SOD2: variants seen among roughly 807,000 people sequenced by gnomAD.
SOD2 encodes superoxide dismutase [Mn], mitochondrial.
In SOD2, 11 loss-of-function variants were observed where a neutral mutation model predicts 27.0. That is an observed-to-expected ratio of 0.41 (90% CI 0.26 to 0.67). The LOEUF is 0.67. Ranked by LOEUF, SOD2 falls within the 30% of genes least tolerant of loss-of-function variation. SOD2 has a pLI of 0.34. For missense variants in SOD2, 250 were observed against 274.5 expected, an observed-to-expected ratio of 0.91 and a Z score of 0.63; for synonymous variants, 105 against 103.0, an observed-to-expected ratio of 1.02 and a Z score of -0.12.
intron 1 of SOD2, among the ~76,000 whole-genome samples, chr6:159,758,816 C>A (rs1221793957): frequency 6.6e-6 from 1 of 152,146 alleles, no homozygotes; most frequent in African/African-American, 2.4e-5. Context: ...GTGAATCCAG[C>A]CTGTAGCAAA....
At position 159,673,263 on chromosome 6, in the gene SOD2, C is replaced by A. The variant is rs1451448222; in HGVS notation, c.*9230G>T. 1 of 152,198 alleles carries A rather than the reference C, an allele frequency of 6.6e-6. No individual in the cohort carries two copies. The highest frequency in any genetic ancestry group is 6.5e-5 in the Admixed American group (1 of 15,284). The allele number at this position is 152,198 out of a possible 1,614,324, so 9.4% of individuals were successfully genotyped here. A position where few individuals can be genotyped will look rare whatever the true frequency, so the allele number is the denominator to read the frequency against. On this transcript the variant is annotated 3_prime_UTR_variant, in exon 5 of 5. Transcript: ENST00000538183. ...ACCAAGCAGACCTAATAGACATCTACAGAACTCTCCACCCCAAATCAACAG... is the reference window on the plus strand; with the variant it reads ...ACCAAGCAGACCTAATAGACATCTAAAGAACTCTCCACCCCAAATCAACAG...
chr6:159,705,977 A>G (rs1777618941), intron 1 of SOD2, among the ~76,000 whole-genome samples: 1 of 152,220 alleles, frequency 6.6e-6, no homozygotes, highest in Non-Finnish European at 1.5e-5. Context: ...GTTTTTAAAG[A>G]AAAGAATTTT....
intron 2 of SOD2, among the ~76,000 whole-genome samples, chr6:159,688,950 A>G (rs1562422339): frequency 6.6e-6 from 1 of 152,160 alleles, no homozygotes; most frequent in African/African-American, 2.4e-5. Flanking sequence ...CTCTACTGCC[A>G]CCTCATTGGG....
At chr6:159,728,192 T>G (rs764369638), upstream of SOD2, among the ~76,000 whole-genome samples, 5 of 152,368 alleles carry the variant, frequency 3.3e-5, no homozygotes, top group Non-Finnish European at 5.9e-5. Flanking sequence ...ATAAGCATTC[T>G]GAGGAAAGAA....
chr6:159,692,887 G>A (rs201297522), intron 1 of SOD2, 24 bp from the exon 2 acceptor site: 5 of 1,563,074 alleles, frequency 3.2e-6, no homozygotes, highest in East Asian at 2.3e-5. Context: ...AGCACAGCCC[G>A]GTCAGTCAGC....
intron 1 of SOD2, among the ~76,000 whole-genome samples, chr6:159,699,460 C>T (rs756394657): frequency 1.1e-4 from 17 of 152,024 alleles, no homozygotes; most frequent in Non-Finnish European, 1.9e-4. Context: ...ATTGAGAGTC[C>T]GGCAGAGCCC....
At chr6:159,726,585 A>C (rs1414109363) in intron 1 of SOD2, 1 of 356,288 alleles carries the variant, frequency 2.8e-6, no homozygotes, top group East Asian at 7.9e-5. Flanking sequence ...TCGGCGGTCC[A>C]GATGGCAGTC....
upstream of SOD2, chr6:159,730,809 C>T (rs866279812): frequency 6.6e-6 from 1 of 152,116 alleles, no homozygotes. Context: ...TTACTCCTGA[C>T]TTACATTACA....
intron 1 of SOD2, chr6:159,720,509 G>T: frequency 6.5e-6 from 1 of 153,078 alleles, no homozygotes; most frequent in South Asian, 1.8e-4. Context: ...GGTACCCATT[G>T]GACAGTAGTG....
intron 1 of SOD2, among the ~76,000 whole-genome samples, chr6:159,759,715 A>G (rs1158195164): frequency 6.6e-6 from 1 of 151,934 alleles, no homozygotes; most frequent in Non-Finnish European, 1.5e-5. Flanking sequence ...CATTATTCTT[A>G]GTCTCTGTCT....
At chr6:159,740,708 C>CT (rs565299103) in intron 1 of SOD2, among the ~76,000 whole-genome samples, 1,732 of 126,596 alleles carry the variant, frequency 0.014, 16 homozygotes, top group Non-Finnish European at 0.015. Flanking sequence ...TTTTTTCTTT[C>CT]TTTTTTTTTT....
chr6:159,713,992 G>A (rs183234268), intron 1 of SOD2: 111 of 784,354 alleles, frequency 1.4e-4, no homozygotes, highest in Admixed American at 1.0e-3. Flanking sequence ...GCATCGTGGC[G>A]ACTGTTGAGC....
rs1161925859 is a variant in SOD2, at chr6:159,672,551, T to C, written c.*9942A>G. Reference sequence around the variant, plus strand: ...ACAAACAAGCAAATGCTGAGAGATTTTGTCACCACCAGGCCTGCCTTACAA... The same window carrying C: ...ACAAACAAGCAAATGCTGAGAGATTCTGTCACCACCAGGCCTGCCTTACAA... On this transcript the variant is annotated 3_prime_UTR_variant, in exon 5 of 5. Coordinates refer to ENST00000538183, the MANE Select transcript of SOD2 (RefSeq NM_000636.4). 2 of 152,300 alleles carry C rather than the reference T, an allele frequency of 1.3e-5. No homozygotes were observed. The highest frequency in any genetic ancestry group is 2.1e-4 in the South Asian group (1 of 4,826). The allele number at this position is 152,300 out of a possible 1,614,324, so 9.4% of individuals were successfully genotyped here.
At position 159,678,864 on chromosome 6, in the gene SOD2, C is replaced by A. The variant is rs1779837259; in HGVS notation, c.*3629G>T. ...ATCCAGCTGGTGTCCACTGGACAAC[C>A]TGGTGTAAAAGTATTGAGTGGTATG... On this transcript the variant is annotated 3_prime_UTR_variant, in exon 5 of 5. Coordinates refer to ENST00000538183, the MANE Select transcript of SOD2 (RefSeq NM_000636.4). The A allele has an allele frequency of 6.6e-6, 1 of 152,162 alleles. No homozygotes were observed. The highest frequency in any genetic ancestry group is 2.4e-5 in the African/African-American group (1 of 41,436). 9.4% of individuals were successfully genotyped at this position (152,162 alleles called of 1,614,324 possible).
chr6:159,743,308 A>G (rs1303578895), intron 1 of SOD2, among the ~76,000 whole-genome samples: 1 of 152,230 alleles, frequency 6.6e-6, no homozygotes, highest in Non-Finnish European at 1.5e-5. Flanking sequence ...CAGCCTCCCA[A>G]AGTGCTGGGA....
chr6:159,751,133 A>C (rs1779804541), intron 1 of SOD2, among the ~76,000 whole-genome samples: 1 of 152,198 alleles, frequency 6.6e-6, no homozygotes, highest in Non-Finnish European at 1.5e-5. Context: ...TTATTTCAAA[A>C]ACAACTACTT....
Position 159,692,695 on chromosome 6 carries a change from G to A in SOD2, c.192C>T (p.Val64=). The A allele has an allele frequency of 6.2e-7, 1 of 1,614,166 alleles. No individual in the cohort carries two copies. Among genetic ancestry groups the A allele is most frequent in the South Asian group, 1.1e-5 (1 of 91,068 alleles). ...ACGCCTCCTGGTACTTCTCCTCGGT[G>A]ACGTTCAGGTTGTTCACGTAGGCCG... ...HHAAYVNNLN[V]TEEKYQEALA... is the part of the protein sequence containing the mutation. The change falls in exon 2 of 5, where the codon GTC becomes GTT. Residue 64 remains valine (V), a synonymous_variant. Coordinates refer to ENST00000538183, the MANE Select transcript of SOD2 (RefSeq NM_000636.4).
chr6:159,753,290 A>C, intron 1 of SOD2: 5 of 981,114 alleles, frequency 5.1e-6, no homozygotes, highest in Middle Eastern at 2.6e-4. Context: ...TTGGCAAAAT[A>C]CTGAAATGCA....
chr6:159,754,635 A>G (rs1310817013), intron 1 of SOD2, among the ~76,000 whole-genome samples: 4 of 152,222 alleles, frequency 2.6e-5, no homozygotes, highest in African/African-American at 7.2e-5. Context: ...CCTTTGAGCC[A>G]TCTCTAGATT....
Sources: allele counts gnomAD v4.1 joint callset (sites outside exome capture counted in the v4.1 genomes callset), GRCh38; gene constraint gnomAD v4.1.1; transcripts MANE v1.5; gene names NCBI Gene and HGNC (gene_info 2026-07-23, HGNC 2026-07-21).